The following ASPRV1 variants were observed in gnomAD, a reference collection of about 807,000 sequenced individuals.
ASPRV1 encodes aspartic peptidase retroviral like 1.
A neutral mutation model predicts 11.0 loss-of-function variants in ASPRV1; 7 were observed. The ratio of observed to expected loss-of-function variants is 0.64; its 90% CI spans 0.36 to 1.20. The LOEUF is 1.20. Ranked by LOEUF, ASPRV1 falls within the 50% of genes most tolerant of loss-of-function variation. ASPRV1 has a pLI of 0.02. For missense variants in ASPRV1, 299 were observed against 320.0 expected (o/e 0.93, Z 0.50); for synonymous variants, 136 against 138.4 (o/e 0.98, Z 0.12).
chr2:69,975,270 C>G, the ASPRV1 span: 1 of 152,448 alleles, frequency 6.6e-6, no homozygotes, highest in Admixed American at 6.5e-5. Context: ...GATGCCTGGA[C>G]GGAGGCCAGA....
chr2:69,960,423 T>C lies in ASPRV1; in HGVS notation c.*234A>G, dbSNP rs569224129. The C allele has an allele frequency of 4.8e-5, 25 of 521,942 alleles. No homozygotes were observed. Among genetic ancestry groups the C allele is most frequent in the African/African-American group, 2.8e-4 (15 of 53,202 alleles). 32.3% of individuals were successfully genotyped at this position (521,942 alleles called of 1,614,324 possible). ...GTCATCAACAGCAGCTTGATGACCA[T>C]GGGGACCCTGTCCCTCTAAGCCAGC... On this transcript the variant is annotated 3_prime_UTR_variant, in exon 1 of 1. Transcript: ENST00000320256.
chr2:69,936,675 A>G, the ASPRV1 span, among the ~76,000 whole-genome samples: 1 of 152,172 alleles, frequency 6.6e-6, no homozygotes, highest in Non-Finnish European at 1.5e-5. Context: ...TATTCTATGG[A>G]AATGTGTTTT....
chr2:70,009,558 G>T, the ASPRV1 span, among the ~76,000 whole-genome samples: 1 of 152,172 alleles, frequency 6.6e-6, no homozygotes, highest in Non-Finnish European at 1.5e-5. Context: ...TCAAACTCCT[G>T]GCTTCAGGTG....
the ASPRV1 span, among the ~76,000 whole-genome samples, chr2:70,068,130 GGA>G: frequency 6.6e-6 from 1 of 152,230 alleles, no homozygotes; most frequent in Non-Finnish European, 1.5e-5. Flanking sequence ...AGCCCCAGGA[GGA>G]GAGATCAGAC....
the ASPRV1 span, chr2:70,045,263 G>C: frequency 6.6e-6 from 1 of 152,156 alleles, no homozygotes; most frequent in Non-Finnish European, 1.5e-5. Flanking sequence ...ATAAATCCTA[G>C]CTCAGCCTTT....
the ASPRV1 span, among the ~76,000 whole-genome samples, chr2:70,024,857 C>T: frequency 3.3e-5 from 5 of 152,146 alleles, no homozygotes; most frequent in Non-Finnish European, 5.9e-5. Flanking sequence ...ATTCCCCAAA[C>T]TCATTCCTAA....
the ASPRV1 span, among the ~76,000 whole-genome samples, chr2:70,085,142 T>C: frequency 6.6e-6 from 1 of 152,064 alleles, no homozygotes; most frequent in Non-Finnish European, 1.5e-5. Context: ...TATTTTTACC[T>C]GGTTGGGGTG....
the ASPRV1 span, among the ~76,000 whole-genome samples, chr2:70,055,172 G>A: frequency 3.9e-5 from 6 of 151,908 alleles, no homozygotes; most frequent in Admixed American, 6.6e-5. Context: ...GCGTGGTGGC[G>A]CACGCCTGTA....
At chr2:70,039,354 T>C in the ASPRV1 span, among the ~76,000 whole-genome samples, 1 of 152,198 alleles carries the variant, frequency 6.6e-6, no homozygotes, top group African/African-American at 2.4e-5. Context: ...ATCCATAATC[T>C]AAACAAATTC....
the ASPRV1 span, among the ~76,000 whole-genome samples, chr2:70,029,635 C>T: frequency 3.3e-5 from 5 of 152,110 alleles, no homozygotes; most frequent in African/African-American, 1.2e-4. Context: ...AAGACTCCGT[C>T]TCAAAAACAA....
chr2:69,955,257 G>A (rs13404590), downstream of ASPRV1, among the ~76,000 whole-genome samples: 860 of 152,226 alleles, frequency 5.6e-3, 7 homozygotes, highest in Middle Eastern at 0.024. Flanking sequence ...CCCTTCCCTC[G>A]CATGGCCACA....
chr2:70,052,298 T>A, the ASPRV1 span, among the ~76,000 whole-genome samples: 1 of 152,252 alleles, frequency 6.6e-6, no homozygotes, highest in East Asian at 1.9e-4. Flanking sequence ...TTATATCCAC[T>A]CACTGAACTA....
At chr2:70,054,350 G>A in the ASPRV1 span, among the ~76,000 whole-genome samples, 1 of 151,018 alleles carries the variant, frequency 6.6e-6, no homozygotes, top group Admixed American at 6.6e-5. Flanking sequence ...CACTTTGGGA[G>A]GCCGAGGCGG....
chr2:69,982,073 ATCCATCCATCCT>A, the ASPRV1 span, among the ~76,000 whole-genome samples: 2 of 148,712 alleles, frequency 1.3e-5, no homozygotes, highest in African/African-American at 5.0e-5. Flanking sequence ...CCATCCATCC[ATCCATCCATCCT>A]TCCATCCATC....
At chr2:70,024,702 C>T in the ASPRV1 span, among the ~76,000 whole-genome samples, 1 of 152,094 alleles carries the variant, frequency 6.6e-6, no homozygotes, top group Admixed American at 6.6e-5. Context: ...GTTGTAGCTC[C>T]AGGTGTGACT....
At chr2:70,058,882 CTT>C in the ASPRV1 span, among the ~76,000 whole-genome samples, 174 of 102,232 alleles carry the variant, frequency 1.7e-3, 1 homozygote, top group African/African-American at 6.5e-3. Context: ...TATTACCCAA[CTT>C]TTTTTTTTTT....
At chr2:69,957,256 T>A (rs13412905), downstream of ASPRV1, among the ~76,000 whole-genome samples, 824 of 152,196 alleles carry the variant, frequency 5.4e-3, 7 homozygotes, top group Middle Eastern at 0.024. Context: ...AAGTGCATCA[T>A]ATTTGCGATT....
At chr2:70,030,663 G>A in the ASPRV1 span, 1 of 152,224 alleles carries the variant, frequency 6.6e-6, no homozygotes, top group African/African-American at 2.4e-5. Flanking sequence ...AGAACCAGTG[G>A]TTTGGTTTAC....
the ASPRV1 span, among the ~76,000 whole-genome samples, chr2:69,986,826 G>A: frequency 6.6e-6 from 1 of 152,220 alleles, no homozygotes; most frequent in Non-Finnish European, 1.5e-5. Flanking sequence ...CCAGGAGAGT[G>A]GGAAAGGACT....
Sources: allele counts gnomAD v4.1 joint callset (sites outside exome capture counted in the v4.1 genomes callset), GRCh38; gene constraint gnomAD v4.1.1; transcripts MANE v1.5; gene names NCBI Gene and HGNC (gene_info 2026-07-23, HGNC 2026-07-21).